The following ATM variants were observed in gnomAD, a reference collection of about 807,000 sequenced individuals.
The protein encoded by ATM is serine-protein kinase ATM.
A neutral mutation model predicts 387.0 loss-of-function variants in ATM; 308 were observed. The observed-to-expected ratio is 0.80, with a 90% CI of 0.73 to 0.87. The LOEUF (loss-of-function observed/expected upper bound fraction) is 0.87, where lower values mean the gene tolerates loss of function less well. Ranked by LOEUF, ATM falls within the 40% of genes least tolerant of loss-of-function variation. The pLI, the probability that ATM is intolerant of heterozygous loss-of-function variation, is 0.00. For missense variants in ATM, 3,312 were observed against 3,560.9 expected (o/e 0.93, Z 1.78); for synonymous variants, 1,156 against 1,187.3 (o/e 0.97, Z 0.54).
rs1555106321 is a variant in ATM at position 108,302,859 on chromosome 11, G to A, written c.5326G>A (p.Glu1776Lys). The A allele has an allele frequency of 6.2e-7, 1 of 1,611,244 alleles. No homozygotes were observed. Among genetic ancestry groups the A allele is most frequent in the Non-Finnish European group, 8.5e-7 (1 of 1,177,916 alleles). The change falls in exon 36 of 63, where the codon GAA (glutamate) becomes AAA (lysine). Residue 1776 changes from glutamate (E) to lysine (K), a missense_variant. Glu to Lys is a moderately conservative substitution (Grantham distance 56). Transcript: ENST00000675843. ...PFRTSRKKFLEVPRFDKENPF... is the reference protein window; with the variant it reads ...PFRTSRKKFLKVPRFDKENPF... The stretch of plus-strand genomic sequence containing the variant: ...CTAATCCCTTTCTTTCTAGTTTTTA[G>A]AAGTACCCAGATTTGACAAAGAAAA...
rs760060843 is a variant in ATM, at chr11:108,302,989, C to T, written c.5456C>T (p.Thr1819Ile). The T allele has an allele frequency of 1.9e-6, 3 of 1,613,336 alleles. No individual in the cohort carries two copies. The highest frequency in any genetic ancestry group is 2.5e-6 in the Non-Finnish European group (3 of 1,179,454). ...TGTGCTTTTTTGGACAGTGGAGGCA[C>T]AAAATGTGAAATTCTTCAATTATTA... ...LTCAFLDSGGTKCEILQLLKP... is the reference protein window; with the variant it reads ...LTCAFLDSGGIKCEILQLLKP... The change falls in exon 36 of 63, where the codon ACA (threonine) becomes ATA (isoleucine). Residue 1819 changes from threonine to isoleucine, a missense_variant. Thr to Ile is a moderately conservative substitution (Grantham distance 89). Transcript: ENST00000675843.
chr11:108,353,974 A>G (rs2089545096), intron 60 of ATM, 94 bp downstream of exon 60: 2 of 1,179,206 alleles, frequency 1.7e-6, no homozygotes, highest in Admixed American at 3.5e-5. Flanking sequence ...CCAGCTGCTC[A>G]AGAGGCTGAA....
chr11:108,285,963 T>C (rs2082469868), intron 26 of ATM, among the ~76,000 whole-genome samples: 1 of 152,218 alleles, frequency 6.6e-6, no homozygotes, highest in South Asian at 2.1e-4. Context: ...TCAACTTCGA[T>C]TGAAACTCTT....
intron 16 of ATM, among the ~76,000 whole-genome samples, chr11:108,265,954 G>C (rs1223518520): frequency 6.9e-4 from 104 of 150,624 alleles, no homozygotes; most frequent in Non-Finnish European, 8.9e-4. Context: ...ACACCAGTTA[G>C]AATGGCAGTC....
rs2135372457 is a variant in ATM at position 108,254,047 on chromosome 11, T to A, written c.2124+8T>A. On this transcript the variant is annotated splice_region_variant and intron_variant, in intron 13 of 62. Coordinates refer to ENST00000675843, the MANE Select transcript of ATM (RefSeq NM_000051.4). ...AATAATTACTCATCTGAGGTGAGATTTTTTAAAAAAAGAACTAAGCTTATA... is the reference window on the plus strand; with the variant it reads ...AATAATTACTCATCTGAGGTGAGATATTTTAAAAAAAGAACTAAGCTTATA... 1 of 1,612,136 alleles carries A rather than the reference T, an allele frequency of 6.2e-7. No individual in the cohort carries two copies. Among genetic ancestry groups the A allele is most frequent in the Non-Finnish European group, 8.5e-7 (1 of 1,178,976 alleles).
chr11:108,261,898 A>G (rs2080914552), intron 16 of ATM, among the ~76,000 whole-genome samples: 1 of 152,078 alleles, frequency 6.6e-6, no homozygotes, highest in Admixed American at 6.5e-5. Flanking sequence ...GGAAGATGAA[A>G]TGAATGAAAT....
chr11:108,263,364 AC>A (rs2135464194), intron 16 of ATM, among the ~76,000 whole-genome samples: 1 of 144,282 alleles, frequency 6.9e-6, no homozygotes, highest in East Asian at 2.0e-4. Context: ...TGGAAACTGA[AC>A]AACCTGCTCC....
rs1222745965 is a variant in ATM, at chr11:108,327,589, G to T, written c.6976-56G>T. On this transcript the variant is annotated intron_variant, in intron 47 of 62. Transcript: ENST00000675843. The stretch of plus-strand genomic sequence containing the variant: ...CTTTTTTCCCCGTACATGAAGGGCA[G>T]TTGGGTACAGTCATGGTAATGCATT... The T allele has an allele frequency of 3.6e-6, 5 of 1,407,206 alleles. No homozygotes were observed. The East Asian group carries it at 1.2e-4, about 33-fold the overall frequency. The allele number at this position is 1,407,206 out of a possible 1,614,324, so 87.2% of individuals were successfully genotyped here. A position where few individuals can be genotyped will look rare whatever the true frequency, so the allele number is the denominator to read the frequency against.
intron 59 of ATM, among the ~76,000 whole-genome samples, chr11:108,349,391 G>A (rs1230055388): frequency 1.3e-5 from 2 of 151,798 alleles, no homozygotes; most frequent in African/African-American, 2.4e-5. Context: ...TCTGCCAGGC[G>A]CGGTGGATCA....
At chr11:108,268,184 A>T (rs2081366529) in intron 17 of ATM, among the ~76,000 whole-genome samples, 1 of 151,934 alleles carries the variant, frequency 6.6e-6, no homozygotes, top group South Asian at 2.1e-4. Flanking sequence ...TGCAATGATC[A>T]TTTGTCTAAG....
rs1374689246 is a variant in ATM, at chr11:108,295,031, G to T, written c.4881G>T (p.Gln1627His). ...LRRQLELHKD[Q>H]MVDIMRASQD... ...GACAACTGGAACTACATAAAGATCA[G>T]ATGGTGGACATTATGAGAGCTTCTC... Residue 1627 changes from glutamine (Q) to histidine (H), a missense_variant, in exon 32 of 63, where the codon CAG (glutamine) becomes CAT (histidine). Physicochemically the swap from Gln to His is conservative, Grantham distance 24. Around this residue, in one of 4 missense-constraint regions of ATM, gnomAD observed 1,405 missense variants for 1,604.4 expected, o/e 0.88. Coordinates refer to ENST00000675843, the MANE Select transcript of ATM (RefSeq NM_000051.4). The T allele has an allele frequency of 6.2e-7, 1 of 1,613,828 alleles. No individual in the cohort carries two copies. The highest frequency in any genetic ancestry group is 1.7e-5 in the Admixed American group (1 of 60,000).
chr11:108,281,640 T>C (rs895554473), intron 24 of ATM, among the ~76,000 whole-genome samples: 3 of 152,232 alleles, frequency 2.0e-5, no homozygotes, highest in African/African-American at 7.2e-5. Flanking sequence ...CACAGTATTA[T>C]AGAATGTTGG....
intron 53 of ATM, 137 bp downstream of exon 53, chr11:108,333,037 C>T: frequency 7.3e-6 from 8 of 1,098,576 alleles, no homozygotes; most frequent in Non-Finnish European, 1.0e-5. Context: ...TATCTGATGG[C>T]TTCAGCATTC....
intron 3 of ATM, among the ~76,000 whole-genome samples, chr11:108,228,664 T>C (rs1307907146): frequency 2.0e-5 from 3 of 152,256 alleles, no homozygotes; most frequent in Admixed American, 6.5e-5. Context: ...GTTTTTCCTC[T>C]GATTTTCTAG....
Position 108,333,982 on chromosome 11 carries a change from A to G in ATM, c.8010+14A>G. ...ATGGAAATTAAGGTAATTTGCAATTAACTCTTGATTTTTTTTAAACTAAAT... is the reference window on the plus strand; with the variant it reads ...ATGGAAATTAAGGTAATTTGCAATTGACTCTTGATTTTTTTTAAACTAAAT... On this transcript the variant is annotated intron_variant, in intron 54 of 62. Transcript: ENST00000675843. 6.3e-7 allele frequency: 1 copy of G among 1,580,336 alleles called. No individual in the cohort carries two copies. Among genetic ancestry groups the G allele is most frequent in the Non-Finnish European group, 8.7e-7 (1 of 1,150,224 alleles).
Position 108,293,897 on chromosome 11 carries a change from AT to A in ATM, c.4776+421del, listed in dbSNP as rs368213182. On this transcript the variant is annotated intron_variant, in intron 31 of 62. Transcript: ENST00000675843. ...TGTCTCAAAAAAAAAAAAAAAAAATATATATATATATATATATATATATGTG... is the reference window on the plus strand; with the variant it reads ...TGTCTCAAAAAAAAAAAAAAAAAATAATATATATATATATATATATATGTG... Among the ~76,000 whole-genome samples the A allele has an allele frequency of 3.8e-3, 431 of 114,144 alleles. 4 individuals carry two copies. Among genetic ancestry groups the A allele is most frequent in the African/African-American group, 0.014 (410 of 29,472 alleles). 74.9% of individuals were successfully genotyped at this position (114,144 alleles called of 152,430 possible).
intron 26 of ATM, among the ~76,000 whole-genome samples, chr11:108,286,519 G>A (rs2082502040): frequency 1.3e-5 from 2 of 151,998 alleles, no homozygotes; most frequent in Non-Finnish European, 2.9e-5. Context: ...TGGTTACTTG[G>A]TATACACCCT....
intron 13 of ATM, 26 bp from the exon 14 acceptor site, chr11:108,256,189 T>C (rs2135391349): frequency 3.3e-6 from 5 of 1,536,074 alleles, no homozygotes; most frequent in Non-Finnish European, 4.4e-6. Context: ...GAAATATATA[T>C]ATTTTTATTT....
rs1150203 is a variant in ATM, at chr11:108,299,544, G to A, written c.5006-170G>A. Reference sequence around the variant, plus strand: ...ACTCCTGACCTCAGGTGATCCGCCCGCCTCTGTCTCCCAAAGTGCTGGGAT... The same window carrying A: ...ACTCCTGACCTCAGGTGATCCGCCCACCTCTGTCTCCCAAAGTGCTGGGAT... On this transcript the variant is annotated intron_variant, in intron 33 of 62. Coordinates refer to ENST00000675843, the MANE Select transcript of ATM (RefSeq NM_000051.4). 321,365 of 589,434 alleles carry A rather than the reference G, an allele frequency of 0.55. 90,635 individuals are homozygous for A. Among genetic ancestry groups the A allele is most frequent in the Middle Eastern group, 0.71 (1,462 of 2,058 alleles). The allele number at this position is 589,434 out of a possible 1,614,324, so 36.5% of individuals were successfully genotyped here.
Sources: gnomAD v4.1 joint callset for allele counts (sites outside exome capture counted in the v4.1 genomes callset) on GRCh38, gnomAD v4.1.1 for gene constraint, gnomAD v4.1.1 regional missense constraint, MANE v1.5 for transcripts, NCBI Gene and HGNC (gene_info 2026-07-23, HGNC 2026-07-21) for gene names.